The following RHOQ variants were observed in gnomAD, a reference collection of about 807,000 sequenced individuals.
RHOQ encodes the protein ras homolog family member Q.
Under a neutral mutation model 25.8 loss-of-function variants are expected in RHOQ, and 7 were observed. The observed-to-expected ratio is 0.27, with a 90% confidence interval of 0.15 to 0.51. RHOQ has a LOEUF of 0.51. Among genes scored for constraint, RHOQ ranks in the 20% least tolerant of loss-of-function variants. The probability of loss-of-function intolerance (pLI) is 0.97; values close to 1 mark genes in which losing one functional copy is unlikely to be tolerated. For missense variants in RHOQ, 165 were observed against 260.6 expected, an observed-to-expected ratio of 0.63 and a Z score of 2.53; for synonymous variants, 97 against 98.6, an observed-to-expected ratio of 0.98 and a Z score of 0.10.
In RHOQ at chr2:46,548,577, T is replaced by G. The variant is rs1337446715; in HGVS notation, c.201+4765T>G. ...CTTTGGAGAAGGCCTGCAGGGAACA[T>G]TAGTAGGGTTTAGGAAATGCCACTC... On this transcript the variant is annotated intron_variant, in intron 2 of 4. Transcript: ENST00000238738. This position sits in a 1 kb window ranked among gnomAD's most constrained non-coding sequence, Gnocchi z 5.2. Among the ~76,000 whole-genome samples the G allele has an allele frequency of 6.6e-6, 1 of 152,038 alleles. No individual in the cohort carries two copies. Among genetic ancestry groups the G allele is most frequent in the Non-Finnish European group, 1.5e-5 (1 of 67,992 alleles).
rs2103983920 is a variant in RHOQ at position 46,548,651 on chromosome 2, A to C, written c.201+4839A>C. ...GTAGCCCCGTGTTCCATCCTTGCTC[A>C]GCCCGGTGAGCAGAGCCTGGGAGGA... On this transcript the variant is annotated intron_variant, in intron 2 of 4. Transcript: ENST00000238738. This position sits in a 1 kb window ranked among gnomAD's most constrained non-coding sequence, Gnocchi z 5.2. 6.6e-6 allele frequency among the ~76,000 whole-genome samples: 1 copy of C among 152,284 alleles called. No individual in the cohort carries two copies. The highest frequency in any genetic ancestry group is 1.9e-4 in the East Asian group (1 of 5,180).
At chr2:46,560,263 T>G (rs1200581428) in intron 2 of RHOQ, among the ~76,000 whole-genome samples, 2 of 152,212 alleles carry the variant, frequency 1.3e-5, no homozygotes, top group Non-Finnish European at 2.9e-5. Flanking sequence ...CCTTTTAGCT[T>G]CTAAATTTTG....
intron 2 of RHOQ, among the ~76,000 whole-genome samples, chr2:46,563,251 T>C (rs1340454343): frequency 6.6e-6 from 1 of 152,162 alleles, no homozygotes; most frequent in Non-Finnish European, 1.5e-5. Flanking sequence ...GCTTCACTCC[T>C]ACCCACCTCT....
In RHOQ at chr2:46,555,460, C is replaced by A. The variant is rs1003196471; in HGVS notation, c.201+11648C>A. Among the ~76,000 whole-genome samples, 1 of 152,188 alleles carries A rather than the reference C, an allele frequency of 6.6e-6. No homozygotes were observed. The highest frequency in any genetic ancestry group is 2.4e-5 in the African/African-American group (1 of 41,440). On this transcript the variant is annotated intron_variant, in intron 2 of 4. Transcript: ENST00000238738. The surrounding 1 kb of genome is among the most constrained non-coding windows in gnomAD (Gnocchi z 4.3). ...GGTGGTAAGATTATTATGGAAAGAACCTTTCCCATCACTTTATATCATATC... is the reference window on the plus strand; with the variant it reads ...GGTGGTAAGATTATTATGGAAAGAAACTTTCCCATCACTTTATATCATATC...
At chr2:46,546,116 A>G (rs1668036181) in intron 2 of RHOQ, among the ~76,000 whole-genome samples, 1 of 152,086 alleles carries the variant, frequency 6.6e-6, no homozygotes, top group Admixed American at 6.6e-5. Flanking sequence ...CTAATAAGCA[A>G]CTTAGCAATG....
At chr2:46,577,838 T>C (rs1669191057) in intron 4 of RHOQ, among the ~76,000 whole-genome samples, 1 of 152,136 alleles carries the variant, frequency 6.6e-6, no homozygotes, top group African/African-American at 2.4e-5. Flanking sequence ...AGAAATTCCA[T>C]GTATTCAGTT....
chr2:46,582,552 CATTTTAGAGAAACA>C lies in RHOQ; in HGVS notation c.*1472_*1485del, dbSNP rs368160188. ...AAGCTTCATTGTGAACAACCTAATG[CATTTTAGAGAAACA>C]ATCTCATCACATTTTTTCTAGCCTT... On this transcript the variant is annotated 3_prime_UTR_variant, in exon 5 of 5. Coordinates refer to ENST00000238738, the MANE Select transcript of RHOQ (RefSeq NM_012249.4). 4 of 152,476 alleles carry C rather than the reference CATTTTAGAGAAACA, an allele frequency of 2.6e-5. No individual in the cohort carries two copies. The highest frequency in any genetic ancestry group is 4.4e-5 in the Non-Finnish European group (3 of 68,016). 9.4% of individuals were successfully genotyped at this position (152,476 alleles called of 1,614,324 possible).
rs575544699 is a variant in RHOQ at position 46,548,655 on chromosome 2, C to G, written c.201+4843C>G. 3.3e-5 allele frequency among the ~76,000 whole-genome samples: 5 copies of G among 152,158 alleles called. No homozygotes were observed. Among genetic ancestry groups the G allele is most frequent in the South Asian group, 2.1e-4 (1 of 4,830 alleles). On this transcript the variant is annotated intron_variant, in intron 2 of 4. Transcript: ENST00000238738. This position sits in a 1 kb window ranked among gnomAD's most constrained non-coding sequence, Gnocchi z 5.2. ...CCCCGTGTTCCATCCTTGCTCAGCC[C>G]GGTGAGCAGAGCCTGGGAGGAGCCC...
chr2:46,553,457 A>G (rs556265268), intron 2 of RHOQ, among the ~76,000 whole-genome samples: 8 of 152,336 alleles, frequency 5.3e-5, no homozygotes, highest in Admixed American at 4.6e-4. Context: ...CATCCCCTCA[A>G]GCAGTTACTC....
In RHOQ at chr2:46,560,609, A is replaced by G. The variant is rs112777458; in HGVS notation, c.202-15478A>G. The G allele has an allele frequency of 1.2e-3, 528 of 456,238 alleles. 5 individuals are homozygous for G. Among genetic ancestry groups the G allele is most frequent in the African/African-American group, 9.7e-3 (485 of 50,182 alleles). 28.3% of individuals were successfully genotyped at this position (456,238 alleles called of 1,614,324 possible). ...GGTCACGTGATCACGTTTTCCTTCC[A>G]TACGAGAGCATGGGTTTCCAGTGGC... On this transcript the variant is annotated intron_variant, in intron 2 of 4. Transcript: ENST00000238738.
intron 2 of RHOQ, chr2:46,572,883 C>T: frequency 2.7e-6 from 1 of 364,546 alleles, no homozygotes; most frequent in South Asian, 2.1e-5. Context: ...CTTATTCATT[C>T]CCAAATCCCA....
In RHOQ at chr2:46,555,182, C is replaced by T. The variant is rs1668376726; in HGVS notation, c.201+11370C>T. ...GTGAGAAGTCCAACTGAGGCTGAGG[C>T]ACCCCATGACCTCCTCACCTCTGAC... On this transcript the variant is annotated intron_variant, in intron 2 of 4. Coordinates refer to ENST00000238738, the MANE Select transcript of RHOQ (RefSeq NM_012249.4). This position sits in a 1 kb window ranked among gnomAD's most constrained non-coding sequence, Gnocchi z 4.3. Among the ~76,000 whole-genome samples, 1 of 152,254 alleles carries T rather than the reference C, an allele frequency of 6.6e-6. No homozygotes were observed. Among genetic ancestry groups the T allele is most frequent in the African/African-American group, 2.4e-5 (1 of 41,472 alleles).
intron 2 of RHOQ, among the ~76,000 whole-genome samples, chr2:46,551,031 G>A (rs181019137): frequency 7.7e-4 from 117 of 152,316 alleles, no homozygotes; most frequent in Non-Finnish European, 1.2e-3. Context: ...GGCCAGTAGA[G>A]TACTGGTTGC....
intron 2 of RHOQ, among the ~76,000 whole-genome samples, chr2:46,562,443 G>C (rs979134484): frequency 1.3e-5 from 2 of 152,178 alleles, no homozygotes; most frequent in South Asian, 2.1e-4. Flanking sequence ...TCCTCTATCT[G>C]TACTGTTGCT....
At chr2:46,572,865 C>G (rs772572478) in intron 2 of RHOQ, 1 of 393,774 alleles carries the variant, frequency 2.5e-6, no homozygotes, top group African/African-American at 2.1e-5. Context: ...AGATTCTGCA[C>G]ACCTCCACTT....
chr2:46,551,994 T>G (rs567707578), intron 2 of RHOQ, among the ~76,000 whole-genome samples: 1 of 152,296 alleles, frequency 6.6e-6, no homozygotes, highest in African/African-American at 2.4e-5. Context: ...CTGTCGGACT[T>G]TAAGCCCTGG....
chr2:46,578,560 C>A (rs1669218990), intron 4 of RHOQ, among the ~76,000 whole-genome samples: 1 of 81,174 alleles, frequency 1.2e-5, no homozygotes, highest in Non-Finnish European at 2.5e-5. Flanking sequence ...GGTGAAACCC[C>A]ATCTCTACCA....
chr2:46,554,111 G>A (rs1458131940), intron 2 of RHOQ, among the ~76,000 whole-genome samples: 1 of 142,604 alleles, frequency 7.0e-6, no homozygotes, highest in Non-Finnish European at 1.5e-5. Flanking sequence ...GGATCTCATT[G>A]TGTGTGTGTG....
Position 46,576,019 on chromosome 2 carries a change from C to A in RHOQ, c.202-68C>A. The stretch of plus-strand genomic sequence containing the variant: ...GAATTTGCATCTTTGACCATGTAAT[C>A]TAATGTACATATTACTAGTAAACAA... On this transcript the variant is annotated intron_variant, in intron 2 of 4. Coordinates refer to ENST00000238738, the MANE Select transcript of RHOQ (RefSeq NM_012249.4). This position sits in a 1 kb window ranked among gnomAD's most constrained non-coding sequence, Gnocchi z 5.1. The A allele has an allele frequency of 7.4e-7, 1 of 1,352,592 alleles. No homozygotes were observed. The highest frequency in any genetic ancestry group is 1.0e-6 in the Non-Finnish European group (1 of 1,000,124). 83.8% of individuals were successfully genotyped at this position (1,352,592 alleles called of 1,614,324 possible).
Sources: gnomAD v4.1 joint callset for allele counts (sites outside exome capture counted in the v4.1 genomes callset) on GRCh38, gnomAD v4.1.1 for gene constraint, Gnocchi (gnomAD v3.1) non-coding constraint, MANE v1.5 for transcripts, NCBI Gene and HGNC (gene_info 2026-07-23, HGNC 2026-07-21) for gene names.